STAM: variants seen among roughly 807,000 people sequenced by gnomAD.
STAM encodes the protein signal transducing adaptor molecule, also known as signal transducing adapter molecule 1.
A neutral mutation model predicts 63.4 loss-of-function variants in STAM; 16 were observed. The observed-to-expected ratio is 0.25, with a 90% confidence interval of 0.17 to 0.38. STAM has a LOEUF of 0.38. STAM is among the 10% of genes least tolerant of loss of function. The pLI is 1.00. For missense variants in STAM, 636 were observed against 657.1 expected (o/e 0.97, Z 0.35); for synonymous variants, 238 against 223.9 (o/e 1.06, Z -0.56).
Position 17,714,845 on chromosome 10 carries a change from T to A in STAM, c.*65T>A. The A allele has an allele frequency of 2.9e-6, 4 of 1,395,562 alleles. No individual in the cohort carries two copies. Among genetic ancestry groups the A allele is most frequent in the African/African-American group, 1.4e-5 (1 of 70,622 alleles). The allele number at this position is 1,395,562 out of a possible 1,614,324, so 86.4% of individuals were successfully genotyped here. ...CCACTGACAATGTTATGAGATTCATTACTATCTTAAGATGTGTTTATCCTC... is the reference window on the plus strand; with the variant it reads ...CCACTGACAATGTTATGAGATTCATAACTATCTTAAGATGTGTTTATCCTC... On this transcript the variant is annotated 3_prime_UTR_variant, in exon 14 of 14. Transcript: ENST00000377524.
chr10:17,665,933 T>C (rs1554823337), intron 2 of STAM, among the ~76,000 whole-genome samples: 1 of 152,178 alleles, frequency 6.6e-6, no homozygotes, highest in South Asian at 2.1e-4. Context: ...TTAGGTCATA[T>C]GATGGGCTGA....
rs533342462 is a variant in STAM at position 17,702,803 on chromosome 10, A to G, written c.913-1628A>G. Among the ~76,000 whole-genome samples the G allele has an allele frequency of 3.2e-4, 49 of 152,226 alleles. 1 individual carries two copies. The highest frequency in any genetic ancestry group is 2.1e-3 in the Admixed American group (32 of 15,288). ...GGCGGGCAGATCACGAGGTCAGGAC[A>G]TTGAGACCATCCTGGCCAACATGGT... On this transcript the variant is annotated intron_variant, in intron 9 of 13. Coordinates refer to ENST00000377524, the MANE Select transcript of STAM (RefSeq NM_003473.4).
At chr10:17,648,235 G>A (rs916944131) in intron 1 of STAM, among the ~76,000 whole-genome samples, 1 of 152,198 alleles carries the variant, frequency 6.6e-6, no homozygotes, top group African/African-American at 2.4e-5. Context: ...ATTGTAAAAT[G>A]CACCGATCAG....
intron 9 of STAM, among the ~76,000 whole-genome samples, chr10:17,703,874 G>A (rs541802436): frequency 5.9e-5 from 9 of 152,186 alleles, no homozygotes; most frequent in Non-Finnish European, 1.0e-4. Context: ...AACAGCTGCT[G>A]TATTCACCAT....
At chr10:17,671,435 AT>A (rs1212153808) in intron 2 of STAM, among the ~76,000 whole-genome samples, 2 of 152,248 alleles carry the variant, frequency 1.3e-5, no homozygotes, top group Non-Finnish European at 2.9e-5. Flanking sequence ...ATAAGGAGGT[AT>A]TAGACATCTC....
chr10:17,707,236 T>C (rs142640288), intron 12 of STAM, among the ~76,000 whole-genome samples: 37 of 152,130 alleles, frequency 2.4e-4, no homozygotes, highest in African/African-American at 7.7e-4. Flanking sequence ...GGTGAAACCC[T>C]GTCTCTGCTC....
At position 17,669,921 on chromosome 10, in the gene STAM, G is replaced by A. The variant is rs183314960; in HGVS notation, c.125+9373G>A. 5.7e-3 allele frequency among the ~76,000 whole-genome samples: 761 copies of A among 133,004 alleles called. 13 individuals carry two copies. The highest frequency in any genetic ancestry group is 0.02 in the African/African-American group (712 of 34,798). 87.3% of individuals were successfully genotyped at this position (133,004 alleles called of 152,430 possible). ...TTTTTTTTGTATTTTTAGTAGACAC[G>A]TGGTTTCACCATGTTAGCCAGGATG... On this transcript the variant is annotated intron_variant, in intron 2 of 13. Transcript: ENST00000377524.
intron 1 of STAM, among the ~76,000 whole-genome samples, chr10:17,653,001 A>C (rs782514963): frequency 1.3e-4 from 20 of 152,158 alleles, no homozygotes; most frequent in South Asian, 4.1e-4. Context: ...GAGTGATAAG[A>C]GCATCTTTGT....
At chr10:17,675,619 A>T (rs141967323) in intron 2 of STAM, among the ~76,000 whole-genome samples, 73 of 152,306 alleles carry the variant, frequency 4.8e-4, no homozygotes, top group African/African-American at 1.5e-3. Flanking sequence ...TTATACAGGG[A>T]TTCACTTAAG....
At chr10:17,714,333 A>C (rs575694395) in intron 13 of STAM, among the ~76,000 whole-genome samples, 1 of 150,942 alleles carries the variant, frequency 6.6e-6, no homozygotes, top group Admixed American at 6.7e-5. Flanking sequence ...CTTTTTTTAC[A>C]CAATGGTTAA....
chr10:17,668,561 C>A (rs926301596), intron 2 of STAM, among the ~76,000 whole-genome samples: 34 of 152,170 alleles, frequency 2.2e-4, no homozygotes, highest in Non-Finnish European at 5.9e-5. Flanking sequence ...TCTGTCATTA[C>A]AGTACCATGC....
In STAM at chr10:17,704,826, G is replaced by T. The variant is rs1554829005; in HGVS notation, c.1001-144G>T. 12 of 694,572 alleles carry T rather than the reference G, an allele frequency of 1.7e-5. No homozygotes were observed. In the South Asian group the frequency reaches 2.3e-4, roughly 13 times the overall value. 43.0% of individuals were successfully genotyped at this position (694,572 alleles called of 1,614,324 possible). On this transcript the variant is annotated intron_variant, in intron 10 of 13. Coordinates refer to ENST00000377524, the MANE Select transcript of STAM (RefSeq NM_003473.4). ...TATACTTTAAGAAAATCAATTTTGG[G>T]TTCTGTAGACTAAGGTTAAAGAATG... is the stretch of plus-strand genomic sequence containing the variant.
At chr10:17,704,836 C>G (rs944014679) in intron 10 of STAM, 134 bp from the exon 11 acceptor site, 3 of 757,316 alleles carry the variant, frequency 4.0e-6, no homozygotes, top group Non-Finnish European at 6.2e-6. Flanking sequence ...GTTCTGTAGA[C>G]TAAGGTTAAA....
Position 17,666,729 on chromosome 10 carries a change from C to G in STAM, c.125+6181C>G, listed in dbSNP as rs190882187. On this transcript the variant is annotated intron_variant, in intron 2 of 13. Coordinates refer to ENST00000377524, the MANE Select transcript of STAM (RefSeq NM_003473.4). Reference sequence around the variant, plus strand: ...TTGTATTGTTTTGTCCTGGACTGGACTGTGACTATTTCCGGCCTTCAGTAG... The same window carrying G: ...TTGTATTGTTTTGTCCTGGACTGGAGTGTGACTATTTCCGGCCTTCAGTAG... Among the ~76,000 whole-genome samples, 33 of 152,198 alleles carry G rather than the reference C, an allele frequency of 2.2e-4. No individual in the cohort carries two copies. The East Asian group carries it at 6.4e-3, about 29-fold the overall frequency.
intron 5 of STAM, among the ~76,000 whole-genome samples, chr10:17,691,513 A>ATGTCTC (rs1835535179): frequency 7.3e-6 from 1 of 137,614 alleles, no homozygotes; most frequent in Admixed American, 7.6e-5. Flanking sequence ...GCGAGACTCA[A>ATGTCTC]ATAAATAAAT....
At chr10:17,706,490 T>C (rs1010330704) in intron 12 of STAM, among the ~76,000 whole-genome samples, 8 of 148,534 alleles carry the variant, frequency 5.4e-5, no homozygotes, top group Non-Finnish European at 1.0e-4. Flanking sequence ...GCCATTCTCC[T>C]GCCTCAGCCT....
At chr10:17,678,315 C>G (rs1834937893) in intron 2 of STAM, among the ~76,000 whole-genome samples, 1 of 151,202 alleles carries the variant, frequency 6.6e-6, no homozygotes, top group African/African-American at 2.4e-5. Flanking sequence ...AATGCAGCGG[C>G]ACAATCTCAG....
At chr10:17,704,264 C>G (rs1284626586) in intron 9 of STAM, among the ~76,000 whole-genome samples, 167 bp from the exon 10 acceptor site, 1 of 152,138 alleles carries the variant, frequency 6.6e-6, no homozygotes, top group Non-Finnish European at 1.5e-5. Flanking sequence ...GCTCTGACTT[C>G]ATGCAGTACT....
chr10:17,700,151 A>T, intron 8 of STAM, 40 bp from the exon 9 acceptor site: 2 of 1,484,718 alleles, frequency 1.3e-6, no homozygotes, highest in Non-Finnish European at 9.2e-7. Context: ...AGAATTTTAA[A>T]TGTATTATTA....
Sources: allele counts gnomAD v4.1 joint callset (sites outside exome capture counted in the v4.1 genomes callset), GRCh38; gene constraint gnomAD v4.1.1; transcripts MANE v1.5; gene names NCBI Gene and HGNC (gene_info 2026-07-23, HGNC 2026-07-21).